DACH1: variants seen among roughly 807,000 people sequenced by gnomAD.
DACH1 encodes dachshund homolog 1.
Under a neutral mutation model 54.2 loss-of-function variants are expected in DACH1, and 12 were observed. That is an observed-to-expected ratio of 0.22 (90% CI 0.14 to 0.36). The LOEUF is 0.36. Ranked by LOEUF, DACH1 falls within the 10% of genes least tolerant of loss-of-function variation. The pLI is 1.00. For missense variants in DACH1, 805 were observed against 929.8 expected (o/e 0.87, Z 1.75); for synonymous variants, 386 against 366.2 (o/e 1.05, Z -0.62).
intron 1 of DACH1, among the ~76,000 whole-genome samples, chr13:71,735,792 G>A (rs1428908137): frequency 1.3e-5 from 2 of 151,500 alleles, no homozygotes; most frequent in African/African-American, 4.9e-5. Flanking sequence ...CTTCCCATAA[G>A]GTAATCCATT....
At chr13:71,725,915 G>T (rs1309961863) in intron 1 of DACH1, among the ~76,000 whole-genome samples, 1 of 152,106 alleles carries the variant, frequency 6.6e-6, no homozygotes, top group African/African-American at 2.4e-5. Context: ...GATACACTTT[G>T]CTCCACAAAG....
intron 1 of DACH1, chr13:71,704,502 G>A (rs1882327295): frequency 2.7e-6 from 1 of 366,692 alleles, no homozygotes; most frequent in Non-Finnish European, 5.4e-6. Context: ...AATGTGTGAA[G>A]GAAAGTGATC....
At chr13:71,611,881 T>C (rs1004650741) in intron 3 of DACH1, among the ~76,000 whole-genome samples, 49 of 152,220 alleles carry the variant, frequency 3.2e-4, no homozygotes, top group African/African-American at 1.1e-3. Context: ...TGGTGTTTTA[T>C]AGAGCAAATA....
Position 71,837,811 on chromosome 13 carries a change from A to C in DACH1, c.848+28111T>G, listed in dbSNP as rs368627554. Among the ~76,000 whole-genome samples the C allele has an allele frequency of 2.0e-5, 3 of 149,446 alleles. No individual in the cohort carries two copies. The East Asian group carries it at 7.1e-4, about 35-fold the overall frequency. ...AAATGTGGCACATATACACCATGGA[A>C]TACTATGCAGCCATAAAAAATGATG... On this transcript the variant is annotated intron_variant, in intron 1 of 10. Transcript: ENST00000613252.
At chr13:71,526,807 G>A (rs1881998288) in intron 6 of DACH1, among the ~76,000 whole-genome samples, 1 of 151,536 alleles carries the variant, frequency 6.6e-6, no homozygotes, top group Non-Finnish European at 1.5e-5. Context: ...AAGGTGGTCT[G>A]CACTAGTATT....
chr13:71,616,997 T>G (rs1387828929), intron 3 of DACH1, among the ~76,000 whole-genome samples: 1 of 151,198 alleles, frequency 6.6e-6, no homozygotes, highest in Non-Finnish European at 1.5e-5. Context: ...TTCTCCTGCC[T>G]CAGCCTCCCG....
At chr13:71,520,122 T>C (rs1034699855) in intron 6 of DACH1, among the ~76,000 whole-genome samples, 9 of 151,190 alleles carry the variant, frequency 6.0e-5, no homozygotes, top group African/African-American at 2.2e-4. Context: ...GAAGCACTAG[T>C]TGAAGTCAAA....
rs112716831 is a variant in DACH1, at chr13:71,805,844, C to T, written c.848+60078G>A. 3.9e-5 allele frequency among the ~76,000 whole-genome samples: 6 copies of T among 152,130 alleles called. 1 individual carries two copies. The highest frequency in any genetic ancestry group is 1.4e-4 in the African/African-American group (6 of 41,504). On this transcript the variant is annotated intron_variant, in intron 1 of 10. Transcript: ENST00000613252. ...TTTGAGATGGAATCTAGCTCTGTTG[C>T]CCAGGCTGGAGTGCAGTGAGTGGCA...
At chr13:71,514,624 AG>A (rs1226392406) in intron 6 of DACH1, among the ~76,000 whole-genome samples, 1 of 151,816 alleles carries the variant, frequency 6.6e-6, no homozygotes, top group African/African-American at 2.4e-5. Context: ...TACTATTCCA[AG>A]GACTTAAATA....
chr13:71,592,837 T>C (rs1433045633), intron 3 of DACH1, among the ~76,000 whole-genome samples: 1 of 152,186 alleles, frequency 6.6e-6, no homozygotes, highest in Non-Finnish European at 1.5e-5. Flanking sequence ...TCATCTTCAG[T>C]CTTTGAATTG....
intron 1 of DACH1, among the ~76,000 whole-genome samples, chr13:71,782,578 T>G (rs1014816214): frequency 6.6e-6 from 1 of 152,228 alleles, no homozygotes; most frequent in African/African-American, 2.4e-5. Context: ...TATCAAATAT[T>G]ATCTTGTGTT....
At chr13:71,676,120 G>A (rs541413694) in intron 2 of DACH1, among the ~76,000 whole-genome samples, 10 of 152,132 alleles carry the variant, frequency 6.6e-5, no homozygotes, top group African/African-American at 2.2e-4. Flanking sequence ...AACAATTTGC[G>A]GCTGTTTTAT....
intron 7 of DACH1, among the ~76,000 whole-genome samples, chr13:71,485,820 A>T (rs1878456128): frequency 1.3e-5 from 2 of 151,384 alleles, no homozygotes; most frequent in South Asian, 4.2e-4. Flanking sequence ...GGACCTTGAG[A>T]TCCACCCACC....
At chr13:71,744,667 A>C (rs1029863035) in intron 1 of DACH1, among the ~76,000 whole-genome samples, 4 of 152,350 alleles carry the variant, frequency 2.6e-5, no homozygotes, top group Admixed American at 6.5e-5. Flanking sequence ...CTATCCTGGA[A>C]GAATATTACA....
At chr13:71,596,537 G>C (rs1593957678) in intron 3 of DACH1, among the ~76,000 whole-genome samples, 1 of 152,250 alleles carries the variant, frequency 6.6e-6, no homozygotes, top group Middle Eastern at 3.4e-3. Context: ...CTTACAGAAA[G>C]CATATAAACA....
chr13:71,852,048 G>A (rs2138266713), intron 1 of DACH1, among the ~76,000 whole-genome samples: 1 of 152,198 alleles, frequency 6.6e-6, no homozygotes, highest in South Asian at 2.1e-4. Flanking sequence ...GAAGCTCTCT[G>A]GCCAATAGGA....
chr13:71,564,997 C>G (rs557382321), intron 4 of DACH1, among the ~76,000 whole-genome samples: 9 of 152,096 alleles, frequency 5.9e-5, no homozygotes, highest in Non-Finnish European at 1.0e-4. Flanking sequence ...TCTCGGCTCA[C>G]TGCAACCTCC....
At chr13:71,693,336 T>C in intron 1 of DACH1, among the ~76,000 whole-genome samples, 1 of 132,352 alleles carries the variant, frequency 7.6e-6, no homozygotes, top group Admixed American at 8.0e-5. Flanking sequence ...AGAGTCTCGC[T>C]CTGTCGCCCA....
chr13:71,491,098 C>T (rs935868732), intron 6 of DACH1, among the ~76,000 whole-genome samples: 2 of 152,148 alleles, frequency 1.3e-5, no homozygotes, highest in African/African-American at 4.8e-5. Context: ...TGCATTTATG[C>T]TTGACTACAT....
Sources: allele counts gnomAD v4.1 joint callset (sites outside exome capture counted in the v4.1 genomes callset), GRCh38; gene constraint gnomAD v4.1.1; transcripts MANE v1.5; gene names NCBI Gene and HGNC (gene_info 2026-07-23, HGNC 2026-07-21).